Variants in LMBRD2 observed in about 807,000 individuals in gnomAD.
LMBRD2 encodes LMBR1 domain containing 2, also known as G protein-coupled receptor-associated protein LMBRD2.
LMBRD2 carries 55 observed loss-of-function variants against 94.4 expected under a neutral mutation model. That is an observed-to-expected ratio of 0.58 (90% confidence interval 0.47 to 0.73). The LOEUF (loss-of-function observed/expected upper bound fraction) is 0.73. Ranked by LOEUF, LMBRD2 falls within the 30% of genes least tolerant of loss-of-function variation. The pLI is 0.00. For missense variants in LMBRD2, 640 were observed against 831.9 expected, an observed-to-expected ratio of 0.77 and a Z score of 2.84; for synonymous variants, 246 against 272.4, an observed-to-expected ratio of 0.90 and a Z score of 0.95.
intron 1 of LMBRD2, among the ~76,000 whole-genome samples, chr5:36,148,689 G>C (rs1744613944): frequency 6.6e-6 from 1 of 152,164 alleles, no homozygotes; most frequent in East Asian, 1.9e-4. Flanking sequence ...AGTGCAGAGA[G>C]GTTAAGTAAC....
At chr5:36,132,132 AG>A (rs1744169101) in intron 6 of LMBRD2, among the ~76,000 whole-genome samples, 1 of 152,086 alleles carries the variant, frequency 6.6e-6, no homozygotes, top group African/African-American at 2.4e-5. Flanking sequence ...TACAGAATAG[AG>A]AACTCCAAAA....
At position 36,100,984 on chromosome 5, in the gene LMBRD2, A is replaced by G. The variant is rs1284851312; in HGVS notation, c.*3062T>C. The G allele has an allele frequency of 1.3e-5, 2 of 152,002 alleles. No individual in the cohort carries two copies. Among genetic ancestry groups the G allele is most frequent in the Non-Finnish European group, 2.9e-5 (2 of 67,926 alleles). The allele number at this position is 152,002 out of a possible 1,614,324, so 9.4% of individuals were successfully genotyped here. ...CTTAAATTTCAGAACTGATCATCTA[A>G]TCAAATAGTAGTCCAAAAAAATCAA... On this transcript the variant is annotated 3_prime_UTR_variant, in exon 18 of 18. Coordinates refer to ENST00000296603, the MANE Select transcript of LMBRD2 (RefSeq NM_001007527.2).
chr5:36,122,985 T>C, intron 7 of LMBRD2, 24 bp from the exon 8 acceptor site: 1 of 1,449,908 alleles, frequency 6.9e-7, no homozygotes. Context: ...AAAGTAGATT[T>C]TTAAAAATCT....
intron 6 of LMBRD2, among the ~76,000 whole-genome samples, chr5:36,126,588 T>C (rs916701167): frequency 1.3e-5 from 2 of 152,146 alleles, no homozygotes; most frequent in Non-Finnish European, 2.9e-5. Flanking sequence ...AAATTCTCTA[T>C]CTAGAAAAAT....
chr5:36,120,502 G>A (rs570215232), intron 9 of LMBRD2, among the ~76,000 whole-genome samples: 1 of 152,110 alleles, frequency 6.6e-6, no homozygotes, highest in East Asian at 1.9e-4. Context: ...CTTGTGATCT[G>A]CCCGCCTCGG....
intron 16 of LMBRD2, among the ~76,000 whole-genome samples, chr5:36,107,650 G>A (rs1247678943): frequency 6.6e-6 from 1 of 152,154 alleles, no homozygotes; most frequent in Non-Finnish European, 1.5e-5. Context: ...ACTTAGTAGG[G>A]CCTCAAGTGT....
intron 4 of LMBRD2, among the ~76,000 whole-genome samples, chr5:36,137,970 A>T (rs1227624093): frequency 6.6e-6 from 1 of 152,236 alleles, no homozygotes; most frequent in Non-Finnish European, 1.5e-5. Context: ...ATCAGTAGAT[A>T]CTCAACTGTA....
intron 6 of LMBRD2, among the ~76,000 whole-genome samples, chr5:36,131,662 A>T (rs944072794): frequency 6.6e-5 from 10 of 152,178 alleles, no homozygotes; most frequent in Non-Finnish European, 1.5e-4. Context: ...CAACATTCAA[A>T]AATCAGTGGC....
In LMBRD2 at chr5:36,109,945, T is replaced by C. The variant is rs182129972; in HGVS notation, c.1791A>G (p.Arg597=). 9.4e-6 allele frequency: 15 copies of C among 1,600,420 alleles called. No homozygotes were observed. The Middle Eastern group carries it at 6.6e-4, about 71-fold the overall frequency. ...TTACAGAAATTAATACTGTACTTAC[T>C]CTTCTTCGATTTTCACCTTCTTCTT... ...QRQEEGENRR[R]EWKERYGHNR... is the part of the protein sequence containing the mutation. Residue 597 remains arginine, a splice_region_variant and synonymous_variant, in exon 15 of 18, where the codon AGA becomes AGG. Transcript: ENST00000296603.
In LMBRD2 at chr5:36,142,576, ATGC is replaced by A; in HGVS notation, c.195_197del (p.Lys65_His66delinsAsn). The A allele has an allele frequency of 6.2e-7, 1 of 1,609,880 alleles. No individual in the cohort carries two copies. Among genetic ancestry groups the A allele is most frequent in the South Asian group, 1.1e-5 (1 of 90,994 alleles). On this transcript the variant is annotated inframe_deletion, in exon 3 of 18. Coordinates refer to ENST00000296603, the MANE Select transcript of LMBRD2 (RefSeq NM_001007527.2). ...CAGGAGGGCTTGAATTTGCAGCAGC[ATGC>A]TTGCACCGGTTGTATATTGTCTAAA... is the stretch of plus-strand genomic sequence containing the variant.
Position 36,141,105 on chromosome 5 carries a change from A to G in LMBRD2, c.368+2T>C. On this transcript the variant is annotated splice_donor_variant, in intron 4 of 17. Coordinates refer to ENST00000296603, the MANE Select transcript of LMBRD2 (RefSeq NM_001007527.2). LOFTEE classifies it high-confidence loss of function. ...AAAATTTTATCATTTACTGTAACTT[A>G]CCATGTTAAAAATTGTGACGTCCAA... 6.5e-7 allele frequency: 1 copy of G among 1,542,858 alleles called. No homozygotes were observed. Among genetic ancestry groups the G allele is most frequent in the South Asian group, 1.2e-5 (1 of 86,210 alleles).
chr5:36,122,529 G>A (rs960801379), intron 8 of LMBRD2, 66 bp from the exon 9 acceptor site: 6 of 1,326,390 alleles, frequency 4.5e-6, no homozygotes, highest in Non-Finnish European at 6.4e-6. Context: ...CTCTCCACTA[G>A]GGAGCATGTT....
At chr5:36,115,382 G>A (rs912541376) in intron 11 of LMBRD2, among the ~76,000 whole-genome samples, 1 of 152,118 alleles carries the variant, frequency 6.6e-6, no homozygotes. Flanking sequence ...ATCCCCACAA[G>A]TTGTGGAGTG....
chr5:36,114,667 T>C (rs1216225676), intron 12 of LMBRD2, 146 bp from the exon 13 acceptor site: 1 of 1,045,884 alleles, frequency 9.6e-7, no homozygotes, highest in Non-Finnish European at 1.3e-6. Flanking sequence ...ATGGACTTAT[T>C]TTTTAAAATC....
intron 4 of LMBRD2, among the ~76,000 whole-genome samples, chr5:36,137,811 G>T (rs1267711919): frequency 6.6e-6 from 1 of 152,106 alleles, no homozygotes; most frequent in East Asian, 1.9e-4. Flanking sequence ...AAAGGGAGAA[G>T]GTCAGTTGAC....
At chr5:36,129,250 A>C in intron 6 of LMBRD2, among the ~76,000 whole-genome samples, 1 of 152,180 alleles carries the variant, frequency 6.6e-6, no homozygotes, top group East Asian at 1.9e-4. Context: ...ATATTCAAGC[A>C]TGAGAAGATT....
chr5:36,100,697 C>T lies in LMBRD2; in HGVS notation c.*3349G>A, dbSNP rs1388125443. 1 of 152,010 alleles carries T rather than the reference C, an allele frequency of 6.6e-6. No homozygotes were observed. The highest frequency in any genetic ancestry group is 2.4e-5 in the African/African-American group (1 of 41,420). 9.4% of individuals were successfully genotyped at this position (152,010 alleles called of 1,614,324 possible). A position where few individuals can be genotyped will look rare whatever the true frequency, so the allele number is the denominator to read the frequency against. ...TATTTTGTCGCTTAGTGCAAATATA[C>T]TTGTAATTTTTAGGCATAATCCACT... On this transcript the variant is annotated 3_prime_UTR_variant, in exon 18 of 18. Coordinates refer to ENST00000296603, the MANE Select transcript of LMBRD2 (RefSeq NM_001007527.2).
intron 4 of LMBRD2, among the ~76,000 whole-genome samples, chr5:36,140,695 G>T (rs1255496404): frequency 6.6e-6 from 1 of 152,142 alleles, no homozygotes; most frequent in Admixed American, 6.5e-5. Context: ...TTGTTAGGGA[G>T]CACAAGAGAG....
intron 4 of LMBRD2, among the ~76,000 whole-genome samples, 175 bp from the exon 5 acceptor site, chr5:36,137,616 A>C (rs1744302185): frequency 6.6e-6 from 1 of 152,240 alleles, no homozygotes; most frequent in Non-Finnish European, 1.5e-5. Flanking sequence ...GTATTTTTGT[A>C]ATATAAAATT....
Sources: gnomAD v4.1 joint callset for allele counts (sites outside exome capture counted in the v4.1 genomes callset) on GRCh38, gnomAD v4.1.1 for gene constraint, MANE v1.5 for transcripts, NCBI Gene and HGNC (gene_info 2026-07-23, HGNC 2026-07-21) for gene names.